PPEF1: variants seen among roughly 807,000 people sequenced by gnomAD.
PPEF1 encodes protein phosphatase with EF-hand domain 1.
In PPEF1, 12 loss-of-function variants were observed where a neutral mutation model predicts 53.3. That is an observed-to-expected ratio of 0.23 (90% CI 0.14 to 0.36). The LOEUF is 0.36. Ranked by LOEUF, PPEF1 falls within the 10% of genes least tolerant of loss-of-function variation. PPEF1 has a pLI of 1.00. For synonymous variants in PPEF1, 165 were observed against 176.7 expected (o/e 0.93, Z 0.52); for missense variants, 334 against 490.4 (o/e 0.68, Z 3.01).
chrX:18,821,074 T>G (rs1373355358), intron 13 of PPEF1, among the ~76,000 whole-genome samples: 9 of 107,635 alleles, frequency 8.4e-5, no homozygotes, highest in Non-Finnish European at 1.5e-4. Flanking sequence ...ATACAAAAAA[T>G]TAGCCAGGCG....
In PPEF1 at chrX:18,728,156, C is replaced by CCT. The variant is rs1358781857; in HGVS notation, c.47-2012_47-2011dup. Among the ~76,000 whole-genome samples the CCT allele has an allele frequency of 6.5e-5, 7 of 108,472 alleles. No homozygotes were observed. The East Asian group carries it at 8.6e-4, about 13-fold the overall frequency. 94.2% of individuals were successfully genotyped at this position (108,472 alleles called of 115,157 possible). ...ACTGTATCAGGGCCATGGATGAAAA[C>CCT]CTCTCTCTCTCTCTGTCTCTCTCTC... is the stretch of plus-strand genomic sequence containing the variant. On this transcript the variant is annotated intron_variant, in intron 1 of 15. Transcript: ENST00000470157.
intron 9 of PPEF1, 51 bp downstream of exon 9, chrX:18,784,099 A>G: frequency 7.0e-6 from 7 of 1,004,677 alleles, no homozygotes; most frequent in Non-Finnish European, 9.3e-6. Flanking sequence ...AGAAGGGAAT[A>G]CATACCTCTT....
upstream of PPEF1, chrX:18,707,571 C>T (rs2044226829): frequency 2.6e-6 from 1 of 390,022 alleles, no homozygotes; most frequent in Non-Finnish European, 4.5e-6. Flanking sequence ...TCAGAAGAAG[C>T]GTAAAATGAA....
chrX:18,795,090 G>C (rs2046405314), intron 10 of PPEF1, among the ~76,000 whole-genome samples: 1 of 111,632 alleles, frequency 9.0e-6, no homozygotes, highest in South Asian at 3.8e-4. Flanking sequence ...TGGGCGGATT[G>C]CTTGAGCCCA....
chrX:18,823,887 A>T (rs898106489), intron 13 of PPEF1, 36 bp from the exon 14 acceptor site: 14 of 1,188,764 alleles, frequency 1.2e-5, no homozygotes, highest in Non-Finnish European at 1.6e-5. Flanking sequence ...ATCATATTTT[A>T]ACAAATCATT....
At chrX:18,697,357 T>C (rs1265667947) in intron 4 of PPEF1, among the ~76,000 whole-genome samples, 12 of 111,350 alleles carry the variant, frequency 1.1e-4, no homozygotes, top group Non-Finnish European at 5.7e-5. Context: ...TTTATGTAAT[T>C]GCAGCATTAT....
intron 10 of PPEF1, among the ~76,000 whole-genome samples, chrX:18,797,692 T>C (rs1292996729): frequency 1.8e-5 from 2 of 110,347 alleles, no homozygotes; most frequent in South Asian, 3.9e-4. Context: ...TTAAGTGATA[T>C]GTTCTTTTTT....
rs1310379810 is a variant in PPEF1, at chrX:18,783,980, C to G, written c.844C>G (p.Leu282Val). 1 of 1,206,923 alleles carries G rather than the reference C, an allele frequency of 8.3e-7. No homozygotes were observed. The change falls in exon 9 of 16, where the codon CTG becomes GTG. Residue 282 changes from leucine to valine, a missense_variant. By Grantham distance (32) the Leu-to-Val change is conservative (BLOSUM62 1). Coordinates refer to ENST00000470157, the MANE Select transcript of PPEF1 (RefSeq NM_001377996.1). ...CGGTACAATCGTTGACAATGAAATC[C>G]TGGTCATCCATGGTGGGATATCAGA... is the stretch of plus-strand genomic sequence containing the variant. ...PIGTIVDNEI[L>V]VIHGGISETT...
intron 1 of PPEF1, among the ~76,000 whole-genome samples, chrX:18,725,078 C>T (rs1211873144): frequency 3.6e-5 from 4 of 111,098 alleles, no homozygotes; most frequent in Non-Finnish European, 5.7e-5. Flanking sequence ...CAAATCTCAA[C>T]GTAGAGCTCT....
At chrX:18,754,177 T>C (rs749556373) in intron 4 of PPEF1, among the ~76,000 whole-genome samples, 2 of 112,166 alleles carry the variant, frequency 1.8e-5, no homozygotes, top group African/African-American at 3.2e-5. Context: ...CCGCTTGTGC[T>C]GAACCATTGT....
intron 1 of PPEF1, among the ~76,000 whole-genome samples, chrX:18,711,496 A>G (rs933012423): frequency 8.9e-6 from 1 of 111,881 alleles, no homozygotes; most frequent in Admixed American, 9.5e-5. Context: ...TTTAGCTCTT[A>G]CTTTTAGGCA....
At chrX:18,679,186 G>A (rs964061879), upstream of PPEF1, among the ~76,000 whole-genome samples, 2 of 112,166 alleles carry the variant, frequency 1.8e-5, no homozygotes, top group African/African-American at 6.5e-5. Context: ...CAATTCTCGT[G>A]CCTCAGCCTC....
At chrX:18,723,934 G>A in intron 1 of PPEF1, among the ~76,000 whole-genome samples, 1 of 110,652 alleles carries the variant, frequency 9.0e-6, no homozygotes, top group Non-Finnish European at 1.9e-5. Context: ...TTACAGGCAT[G>A]CACCACCACG....
intron 12 of PPEF1, among the ~76,000 whole-genome samples, chrX:18,817,094 G>GTGTGTGTA (rs2046935151): frequency 9.2e-6 from 1 of 108,195 alleles, no homozygotes; most frequent in African/African-American, 3.5e-5. Flanking sequence ...GTGTGTGTGT[G>GTGTGTGTA]TGTGTGTGTG....
chrX:18,788,643 A>G (rs961340491), intron 9 of PPEF1, among the ~76,000 whole-genome samples: 1 of 111,695 alleles, frequency 9.0e-6, no homozygotes, highest in Non-Finnish European at 1.9e-5. Context: ...TTTTCAACCT[A>G]TGTCCCCTTT....
intron 4 of PPEF1, among the ~76,000 whole-genome samples, chrX:18,692,630 A>G (rs1929467520): frequency 9.0e-6 from 1 of 110,555 alleles, no homozygotes; most frequent in Non-Finnish European, 1.9e-5. Flanking sequence ...CTTACCATCT[A>G]TCTCCTGGAT....
chrX:18,716,392 C>T (rs761754122), intron 1 of PPEF1, among the ~76,000 whole-genome samples: 5 of 108,825 alleles, frequency 4.6e-5, no homozygotes, highest in East Asian at 2.9e-4. Context: ...ATTAGCAGGG[C>T]GTGGTGGCGG....
At chrX:18,745,096 T>A (rs1470383241) in intron 3 of PPEF1, among the ~76,000 whole-genome samples, 1 of 96,608 alleles carries the variant, frequency 1.0e-5, no homozygotes, top group Non-Finnish European at 2.0e-5. Context: ...GGAATATATA[T>A]TATATATTAT....
chrX:18,787,058 T>C (rs765597085), intron 9 of PPEF1, among the ~76,000 whole-genome samples: 396 of 112,038 alleles, frequency 3.5e-3, no homozygotes, highest in Non-Finnish European at 5.8e-3. Flanking sequence ...CTACCCTTCC[T>C]TGAGTGAGGT....
Sources: gnomAD v4.1 joint callset for allele counts (sites outside exome capture counted in the v4.1 genomes callset) on GRCh38, gnomAD v4.1.1 for gene constraint, MANE v1.5 for transcripts, NCBI Gene and HGNC (gene_info 2026-07-23, HGNC 2026-07-21) for gene names.